TCF25: variants seen among roughly 807,000 people sequenced by gnomAD.
The protein encoded by TCF25 is ribosome quality control complex subunit TCF25.
Under a neutral mutation model 83.1 loss-of-function variants are expected in TCF25, and 41 were observed. The ratio of observed to expected loss-of-function variants is 0.49; its 90% CI spans 0.38 to 0.64. The LOEUF (loss-of-function observed/expected upper bound fraction) is 0.64, where lower values mean the gene tolerates loss of function less well. Ranked by LOEUF, TCF25 falls within the 30% of genes least tolerant of loss-of-function variation. The pLI, the probability that TCF25 is intolerant of heterozygous loss-of-function variation, is 0.00. For missense variants in TCF25, 979 were observed against 914.5 expected (o/e 1.07, Z -0.91); for synonymous variants, 458 against 365.0 (o/e 1.25, Z -2.90).
intron 13 of TCF25, 43 bp downstream of exon 13, chr16:89,904,248 T>A: frequency 6.5e-7 from 1 of 1,547,054 alleles, no homozygotes; most frequent in Non-Finnish European, 8.7e-7. Flanking sequence ...TGCCTGTGGG[T>A]TCGGAGCCTG....
rs368152040 is a variant in TCF25, at chr16:89,896,075, C to T, written c.1014C>T (p.Pro338=). The change falls in exon 9 of 18, where the codon CCC becomes CCT. Residue 338 remains proline, a synonymous_variant. Transcript: ENST00000263346. ...SGACRLDYRR[P]ENRSFYLALY... is the part of the protein sequence containing the mutation. Reference sequence around the variant, plus strand: ...CCTGCCGGCTGGATTACCGCAGACCCGAGAACAGGTGAGTGCAGCTGCCCT... The same window carrying T: ...CCTGCCGGCTGGATTACCGCAGACCTGAGAACAGGTGAGTGCAGCTGCCCT... 28 of 1,613,528 alleles carry T rather than the reference C, an allele frequency of 1.7e-5. No individual in the cohort carries two copies. In the East Asian group the frequency reaches 3.6e-4, roughly 21 times the overall value.
intron 6 of TCF25, 84 bp downstream of exon 6, chr16:89,892,359 G>A: frequency 1.3e-6 from 2 of 1,491,466 alleles, no homozygotes; most frequent in Non-Finnish European, 1.8e-6. Flanking sequence ...ACCAGGTGAG[G>A]GTCTGCAGAG....
At chr16:89,910,520 C>G in intron 16 of TCF25, 71 bp from the exon 17 acceptor site, 2 of 1,539,734 alleles carry the variant, frequency 1.3e-6, no homozygotes, top group Non-Finnish European at 9.0e-7. Flanking sequence ...GGCAGGCAGC[C>G]CCGTGAGCCG....
chr16:89,906,441 C>T, intron 15 of TCF25, 157 bp downstream of exon 15: 1 of 646,678 alleles, frequency 1.5e-6, no homozygotes. Context: ...GAGGGCTCCT[C>T]CTTTCCTGGC....
At position 89,877,107 on chromosome 16, in the gene TCF25, AAT is replaced by A. The variant is rs147090709; in HGVS notation, c.192+3250_192+3251del. 7.3e-3 allele frequency among the ~76,000 whole-genome samples: 1,060 copies of A among 145,210 alleles called. 3 individuals are homozygous for A. Among genetic ancestry groups the A allele is most frequent in the Non-Finnish European group, 0.011 (734 of 67,880 alleles). On this transcript the variant is annotated intron_variant, in intron 1 of 17. Transcript: ENST00000263346. ...ATACAGCGAGACTCTGTCTCAAAAA[AAT>A]AAATAAATAAATAAATAAATAAATC...
At chr16:89,899,820 C>T (rs887618957) in intron 11 of TCF25, among the ~76,000 whole-genome samples, 33 of 152,170 alleles carry the variant, frequency 2.2e-4, no homozygotes, top group African/African-American at 7.2e-4. Flanking sequence ...GGCTTTGTAA[C>T]GCTAACCTCC....
rs760653329 is a variant in TCF25, at chr16:89,904,988, A to C, written c.1520A>C (p.His507Pro). 5.6e-5 allele frequency: 90 copies of C among 1,607,738 alleles called. No individual in the cohort carries two copies. Among genetic ancestry groups the C allele is most frequent in the Admixed American group, 1.2e-4 (7 of 59,294 alleles). ...GTGAACCTGTACCTTGGGAGGTCACACTTTCTCTGGAAAGAGCCCGCCACC... is the reference window on the plus strand; with the variant it reads ...GTGAACCTGTACCTTGGGAGGTCACCCTTTCTCTGGAAAGAGCCCGCCACC... ...QLVNLYLGRS[H>P]FLWKEPATMS... Residue 507 changes from histidine to proline, a missense_variant, in exon 14 of 18, where the codon CAC becomes CCC. Physicochemically the swap from His to Pro is moderately conservative, Grantham distance 77. Coordinates refer to ENST00000263346, the MANE Select transcript of TCF25 (RefSeq NM_014972.3).
chr16:89,900,291 TG>T (rs761439731), intron 11 of TCF25, among the ~76,000 whole-genome samples: 2 of 151,798 alleles, frequency 1.3e-5, no homozygotes, highest in African/African-American at 2.4e-5. Context: ...CGCGCGGGGG[TG>T]GGCTGCTCTC....
chr16:89,894,713 G>C (rs2043711773), intron 7 of TCF25, among the ~76,000 whole-genome samples: 2 of 152,326 alleles, frequency 1.3e-5, no homozygotes, highest in South Asian at 4.1e-4. Flanking sequence ...GCCTAAGCTA[G>C]AGTGCATTGG....
chr16:89,900,772 G>A lies in TCF25; in HGVS notation c.1359G>A (p.Gln453=). ...ARQKASLLIQ[Q]ALTMFPGVLL... is the part of the protein sequence containing the mutation. Reference sequence around the variant, plus strand: ...AGAAGGCCTCTCTCCTGATACAGCAGGCGCTCACCATGTTCCCTGGAGGTG... The same window carrying A: ...AGAAGGCCTCTCTCCTGATACAGCAAGCGCTCACCATGTTCCCTGGAGGTG... Residue 453 remains glutamine (Q), a synonymous_variant, in exon 12 of 18, where the codon CAG becomes CAA. Transcript: ENST00000263346. The A allele has an allele frequency of 6.3e-7, 1 of 1,585,496 alleles. No individual in the cohort carries two copies. Among genetic ancestry groups the A allele is most frequent in the East Asian group, 2.3e-5 (1 of 44,106 alleles).
chr16:89,889,156 G>C (rs2043236314), intron 5 of TCF25: 2 of 367,062 alleles, frequency 5.4e-6, no homozygotes, highest in Non-Finnish European at 1.0e-5. Context: ...TCCACCTCTG[G>C]ACTCTCCATC....
At chr16:89,898,987 C>G in intron 11 of TCF25, 115 bp downstream of exon 11, 2 of 1,009,136 alleles carry the variant, frequency 2.0e-6, no homozygotes, top group Non-Finnish European at 3.0e-6. Context: ...CGATAATCGT[C>G]TGAGGGCAGA....
intron 16 of TCF25, among the ~76,000 whole-genome samples, chr16:89,907,891 GCTCCCGC>G (rs1567743336): frequency 3.0e-5 from 1 of 33,792 alleles, no homozygotes. Context: ...CCACCTCCCA[GCTCCCGC>G]CTCCCACCTC....
At chr16:89,889,177 G>A (rs1406863362) in intron 5 of TCF25, 2 of 395,058 alleles carry the variant, frequency 5.1e-6, no homozygotes, top group African/African-American at 4.3e-5. Context: ...GAAGTGTCCA[G>A]AAGGCTTTGT....
intron 13 of TCF25, 105 bp downstream of exon 13, chr16:89,904,310 C>A: frequency 1.6e-6 from 2 of 1,288,866 alleles, no homozygotes; most frequent in Non-Finnish European, 2.2e-6. Context: ...CTTCCAGCAG[C>A]AGGAGGGGCT....
rs957802340 is a variant in TCF25 at position 89,873,624 on chromosome 16, C to T, written c.-44C>T. The T allele has an allele frequency of 6.2e-6, 9 of 1,460,360 alleles. No individual in the cohort carries two copies. The highest frequency in any genetic ancestry group is 1.5e-5 in the African/African-American group (1 of 67,316). 90.5% of individuals were successfully genotyped at this position (1,460,360 alleles called of 1,614,324 possible). On this transcript the variant is annotated 5_prime_UTR_variant, in exon 1 of 18. Coordinates refer to ENST00000263346, the MANE Select transcript of TCF25 (RefSeq NM_014972.3). ...GGCGCGCCGACAGCCGAGTTTTCTG[C>T]GCTTCCTTCTCCCTCTCTCCAGACG...
chr16:89,887,699 C>A lies in TCF25; in HGVS notation c.596C>A (p.Ala199Glu), dbSNP rs775578734. The A allele has an allele frequency of 1.9e-6, 3 of 1,592,520 alleles. No individual in the cohort carries two copies. The highest frequency in any genetic ancestry group is 1.9e-5 in the Admixed American group (1 of 53,760). Residue 199 changes from alanine to glutamate, a missense_variant, in exon 5 of 18, where the codon GCA (alanine) becomes GAA (glutamate). Physicochemically the swap from Ala to Glu is moderately radical, Grantham distance 107. Coordinates refer to ENST00000263346, the MANE Select transcript of TCF25 (RefSeq NM_014972.3). ...CTGAAAAGGTATTTTGGTGCCCGGG[C>A]AATCCTGGGGGAGCAAAGGTAAGGT... is the stretch of plus-strand genomic sequence containing the variant. Reference protein sequence around the residue: ...TELKRYFGARAILGEQRPRQR... With the variant: ...TELKRYFGAREILGEQRPRQR...
chr16:89,882,398 C>T lies in TCF25; in HGVS notation c.193-953C>T, dbSNP rs866737945. 7.9e-5 allele frequency among the ~76,000 whole-genome samples: 12 copies of T among 152,142 alleles called. 1 individual carries two copies. The highest frequency in any genetic ancestry group is 6.8e-3 in the Middle Eastern group (2 of 294). On this transcript the variant is annotated intron_variant, in intron 1 of 17. Transcript: ENST00000263346. ...AAAAAAATTTAAAAAATTAGCCAGG[C>T]ATGGTAGCTCACGCCTGTAGTTCCA... is the stretch of plus-strand genomic sequence containing the variant.
At position 89,883,468 on chromosome 16, in the gene TCF25, A is replaced by G; in HGVS notation, c.310A>G (p.Ser104Gly). ...KGRGQRGNTESKTDGDDTETV... is the reference protein window; with the variant it reads ...KGRGQRGNTEGKTDGDDTETV... ...AAGGGGTCAGCGTGGAAACACAGAG[A>G]GCAAGACGGATGGAGATGACACCGA... The change falls in exon 2 of 18, where the codon AGC becomes GGC. Residue 104 changes from serine (S) to glycine (G), a missense_variant. Coordinates refer to ENST00000263346, the MANE Select transcript of TCF25 (RefSeq NM_014972.3). 6.2e-7 allele frequency: 1 copy of G among 1,613,366 alleles called. No individual in the cohort carries two copies. Among genetic ancestry groups the G allele is most frequent in the Non-Finnish European group, 8.5e-7 (1 of 1,179,808 alleles).
Sources: gnomAD v4.1 joint callset for allele counts (sites outside exome capture counted in the v4.1 genomes callset) on GRCh38, gnomAD v4.1.1 for gene constraint, MANE v1.5 for transcripts, NCBI Gene and HGNC (gene_info 2026-07-23, HGNC 2026-07-21) for gene names.